The following ABCD2 variants were observed in gnomAD, a reference collection of about 807,000 sequenced individuals.
ABCD2 encodes the protein ATP-binding cassette sub-family D member 2.
In ABCD2, 36 loss-of-function variants were observed where a neutral mutation model predicts 70.9. That is an observed-to-expected ratio of 0.51 (90% CI 0.39 to 0.67). The LOEUF is 0.67. Ranked by LOEUF, ABCD2 falls within the 30% of genes least tolerant of loss-of-function variation. ABCD2 has a pLI of 0.00. For missense variants in ABCD2, 729 were observed against 890.2 expected (o/e 0.82, Z 2.30); for synonymous variants, 304 against 306.9 (o/e 0.99, Z 0.10).
At chr12:39,613,712 G>A (rs1191265053) in intron 2 of ABCD2, among the ~76,000 whole-genome samples, 1 of 152,144 alleles carries the variant, frequency 6.6e-6, no homozygotes, top group African/African-American at 2.4e-5. Context: ...TAGAGCTTCC[G>A]CTAACTAACT....
At chr12:39,565,893 G>T (rs1163256724) in intron 9 of ABCD2, among the ~76,000 whole-genome samples, 1 of 152,126 alleles carries the variant, frequency 6.6e-6, no homozygotes, top group African/African-American at 2.4e-5. Flanking sequence ...TAATCTTATG[G>T]TTTTTGTCAT....
chr12:39,590,009 T>C (rs1017207660), intron 6 of ABCD2, among the ~76,000 whole-genome samples: 4 of 152,194 alleles, frequency 2.6e-5, no homozygotes, highest in Non-Finnish European at 4.4e-5. Flanking sequence ...CTGGAAAGAC[T>C]GTGTCAAGAA....
intron 7 of ABCD2, among the ~76,000 whole-genome samples, chr12:39,583,193 T>C (rs1941620701): frequency 6.6e-6 from 1 of 152,192 alleles, no homozygotes; most frequent in South Asian, 2.1e-4. Flanking sequence ...TATGCCACTG[T>C]GCTAATGTTT....
At chr12:39,600,824 G>C in intron 5 of ABCD2, 108 bp from the exon 6 acceptor site, 1 of 1,027,340 alleles carries the variant, frequency 9.7e-7, no homozygotes, top group Non-Finnish European at 1.4e-6. Flanking sequence ...TGATAACCTA[G>C]GTTGGGCAAA....
At chr12:39,580,870 G>C (rs1941587301) in intron 7 of ABCD2, among the ~76,000 whole-genome samples, 1 of 152,064 alleles carries the variant, frequency 6.6e-6, no homozygotes, top group African/African-American at 2.4e-5. Context: ...TTGGTCAACA[G>C]GAAAGAAAAT....
chr12:39,606,329 G>A (rs899352580), intron 3 of ABCD2, among the ~76,000 whole-genome samples: 1 of 152,198 alleles, frequency 6.6e-6, no homozygotes, highest in Admixed American at 6.5e-5. Context: ...TAGCAGAGAA[G>A]GCATGGTGGG....
the ABCD2 span, among the ~76,000 whole-genome samples, chr12:39,532,855 T>C: frequency 1.3e-5 from 2 of 152,068 alleles, no homozygotes; most frequent in African/African-American, 2.4e-5. Flanking sequence ...ATTCTATACA[T>C]GTTGGTATGA....
intron 9 of ABCD2, among the ~76,000 whole-genome samples, chr12:39,564,854 C>T (rs1177787403): frequency 1.3e-5 from 2 of 152,168 alleles, no homozygotes; most frequent in Non-Finnish European, 2.9e-5. Flanking sequence ...TTATGGCTAG[C>T]CAGTTTTCCC....
intron 3 of ABCD2, among the ~76,000 whole-genome samples, chr12:39,607,264 A>T (rs1299239594): frequency 1.3e-5 from 2 of 152,184 alleles, no homozygotes; most frequent in Non-Finnish European, 1.5e-5. Flanking sequence ...CGCTGTAGCG[A>T]CCTTGACCCA....
At chr12:39,605,047 T>C in intron 3 of ABCD2, 117 bp from the exon 4 acceptor site, 3 of 752,262 alleles carry the variant, frequency 4.0e-6, no homozygotes, top group Non-Finnish European at 5.9e-6. Context: ...GCATTATACA[T>C]GAGATATATA....
At chr12:39,602,545 C>T (rs1293889681) in intron 5 of ABCD2, among the ~76,000 whole-genome samples, 7 of 152,256 alleles carry the variant, frequency 4.6e-5, no homozygotes, top group African/African-American at 1.2e-4. Flanking sequence ...GGAAACAGAA[C>T]TTCCTATTAT....
rs201667205 is a variant in ABCD2, at chr12:39,600,789, TA to T, written c.1501-74del. On this transcript the variant is annotated intron_variant, in intron 5 of 9. Transcript: ENST00000308666. ...ATTTTGGCAGCACCTAAAAGTAAAT[TA>T]TTTTTTTAAAATGTTCGAAAACATG... The T allele has an allele frequency of 6.2e-4, 846 of 1,365,826 alleles. 9 individuals are homozygous for T. The African/African-American group carries it at 0.012, about 19-fold the overall frequency. The allele number at this position is 1,365,826 out of a possible 1,614,324, so 84.6% of individuals were successfully genotyped here.
intron 6 of ABCD2, 143 bp downstream of exon 6, chr12:39,600,428 T>TG: frequency 1.3e-6 from 1 of 770,928 alleles, no homozygotes; most frequent in African/African-American, 1.8e-5. Context: ...TAAAATATTT[T>TG]GGGCTAAGTG....
chr12:39,558,754 A>G lies in ABCD2; in HGVS notation c.2004-4623T>C, dbSNP rs142002096. ...TGAGTCAATTAAGCCTCTTTTCTTT[A>G]TAAATTATCCAGTCTCAGGCAGTTC... On this transcript the variant is annotated intron_variant, in intron 9 of 9. Coordinates refer to ENST00000308666, the MANE Select transcript of ABCD2 (RefSeq NM_005164.4). Among the ~76,000 whole-genome samples the G allele has an allele frequency of 4.7e-3, 718 of 152,288 alleles. 3 individuals are homozygous for G. Among genetic ancestry groups the G allele is most frequent in the African/African-American group, 0.017 (688 of 41,556 alleles).
rs760760553 is a variant in ABCD2 at position 39,618,856 on chromosome 12, T to C, written c.760A>G (p.Ile254Val). 95 of 1,614,188 alleles carry C rather than the reference T, an allele frequency of 5.9e-5. No homozygotes were observed. The highest frequency in any genetic ancestry group is 7.5e-5 in the Non-Finnish European group (88 of 1,180,034). Residue 254 changes from isoleucine to valine, a missense_variant, in exon 1 of 10, where the codon ATT (isoleucine) becomes GTT (valine). Around this residue, in one of 3 missense-constraint regions of ABCD2, gnomAD observed 195 missense variants for 300.2 expected, o/e 0.65. Transcript: ENST00000308666. The stretch of plus-strand genomic sequence containing the variant: ...AGTCCTGCTAGTAGGGTGGGCCCAA[T>C]TGGGCTTGCTCCTCTGGATGTAGCA... ...QTATSRGASPIGPTLLAGLVV... is the reference protein window; with the variant it reads ...QTATSRGASPVGPTLLAGLVV...
At chr12:39,565,636 A>T (rs1941333802) in intron 9 of ABCD2, among the ~76,000 whole-genome samples, 1 of 152,058 alleles carries the variant, frequency 6.6e-6, no homozygotes, top group Admixed American at 6.6e-5. Context: ...TTCCTGCCTG[A>T]TTGCCCTGGC....
chr12:39,573,064 T>A (rs1160715339), intron 9 of ABCD2, among the ~76,000 whole-genome samples: 1 of 152,132 alleles, frequency 6.6e-6, no homozygotes, highest in Non-Finnish European at 1.5e-5. Flanking sequence ...GAAGATTAGA[T>A]TTCCTAAATT....
At chr12:39,545,391 C>G (rs1941016317), downstream of ABCD2, among the ~76,000 whole-genome samples, 1 of 152,112 alleles carries the variant, frequency 6.6e-6, no homozygotes. Context: ...CTCCCGGGTT[C>G]AAGCGATTCT....
chr12:39,577,573 A>C (rs1230530515), intron 8 of ABCD2, among the ~76,000 whole-genome samples: 1 of 152,208 alleles, frequency 6.6e-6, no homozygotes, highest in African/African-American at 2.4e-5. Context: ...AATAAAATGC[A>C]ATGTGTGAAA....
Sources: allele counts gnomAD v4.1 joint callset (sites outside exome capture counted in the v4.1 genomes callset), GRCh38; gene constraint gnomAD v4.1.1; regional missense constraint gnomAD v4.1.1; transcripts MANE v1.5; gene names NCBI Gene and HGNC (gene_info 2026-07-23, HGNC 2026-07-21).